Variants in MMP26 observed in about 807,000 individuals in gnomAD.
MMP26 encodes the protein matrix metalloproteinase-26.
A neutral mutation model predicts 31.0 loss-of-function variants in MMP26; 33 were observed. The observed-to-expected ratio is 1.06, with a 90% confidence interval of 0.81 to 1.42. MMP26 has a LOEUF of 1.42. MMP26 is among the 40% of genes most tolerant of loss of function. MMP26 has a pLI of 0.00. For missense variants in MMP26, 347 were observed against 316.1 expected, an observed-to-expected ratio of 1.10 and a Z score of -0.74; for synonymous variants, 122 against 114.9, an observed-to-expected ratio of 1.06 and a Z score of -0.40.
intron 2 of MMP26, chr11:4,881,826 A>G (rs1850466986): frequency 7.8e-7 from 1 of 1,280,584 alleles, no homozygotes; most frequent in Non-Finnish European, 1.1e-6. Context: ...AAAATGACTA[A>G]TAAAATGTAT....
At chr11:4,941,917 C>T (rs1846213188) in intron 2 of MMP26, among the ~76,000 whole-genome samples, 1 of 150,916 alleles carries the variant, frequency 6.6e-6, no homozygotes, top group African/African-American at 2.4e-5. Flanking sequence ...AACCCCATCT[C>T]TACTAAAAAT....
At chr11:4,908,674 C>G (rs776605539) in intron 2 of MMP26, 39 of 289,380 alleles carry the variant, frequency 1.3e-4, no homozygotes, top group Non-Finnish European at 2.4e-4. Flanking sequence ...CTCATACTGT[C>G]AAGGAAAGGT....
chr11:4,763,331 G>A (rs1333896389), intron 1 of MMP26, among the ~76,000 whole-genome samples: 1 of 152,188 alleles, frequency 6.6e-6, no homozygotes, highest in African/African-American at 2.4e-5. Context: ...GAAATTTTCA[G>A]TTTTCAGTTT....
At chr11:4,784,113 C>G (rs35045960) in intron 2 of MMP26, among the ~76,000 whole-genome samples, 14,456 of 152,230 alleles carry the variant, frequency 0.095, 858 homozygotes, top group Middle Eastern at 0.15. Context: ...GGATCAATTA[C>G]TATAATTCAA....
chr11:4,815,199 G>T (rs919553489), intron 2 of MMP26, among the ~76,000 whole-genome samples: 6 of 152,138 alleles, frequency 3.9e-5, no homozygotes, highest in African/African-American at 1.4e-4. Flanking sequence ...CAGTGACTGC[G>T]TTTTTACATA....
At chr11:4,971,427 G>T (rs1400218949) in intron 2 of MMP26, among the ~76,000 whole-genome samples, 1 of 152,212 alleles carries the variant, frequency 6.6e-6, no homozygotes, top group African/African-American at 2.4e-5. Context: ...AAACATTAAA[G>T]AAAAAATTAC....
At chr11:4,942,773 A>T (rs531261108) in intron 2 of MMP26, 19 of 152,312 alleles carry the variant, frequency 1.2e-4, no homozygotes, top group African/African-American at 3.6e-4. Flanking sequence ...GGGCAAACCC[A>T]TGGGTACACA....
At position 4,992,385 on chromosome 11, in the gene MMP26, C is replaced by A; in HGVS notation, c.*143C>A. ...CCTAGTCAGGTTAGCTGAACCGACACTCAAAACGCTACTGAGTCACAATAA... is the reference window on the plus strand; with the variant it reads ...CCTAGTCAGGTTAGCTGAACCGACAATCAAAACGCTACTGAGTCACAATAA... On this transcript the variant is annotated 3_prime_UTR_variant, in exon 8 of 8. Transcript: ENST00000380390. 1 of 691,074 alleles carries A rather than the reference C, an allele frequency of 1.4e-6. No homozygotes were observed. Among genetic ancestry groups the A allele is most frequent in the South Asian group, 1.9e-5 (1 of 52,420 alleles). The allele number at this position is 691,074 out of a possible 1,614,324, so 42.8% of individuals were successfully genotyped here.
intron 2 of MMP26, among the ~76,000 whole-genome samples, chr11:4,768,294 G>A (rs963360563): frequency 2.0e-5 from 3 of 152,070 alleles, no homozygotes; most frequent in Admixed American, 6.6e-5. Flanking sequence ...CTTTTCTTTG[G>A]ACTGTCCAAC....
intron 1 of MMP26, among the ~76,000 whole-genome samples, chr11:4,762,936 C>T (rs746362717): frequency 1.2e-4 from 18 of 152,168 alleles, no homozygotes; most frequent in Middle Eastern, 3.4e-3. Context: ...GGTACAATCC[C>T]TGAAAATTTT....
rs938037235 is a variant in MMP26 at position 4,983,327 on chromosome 11, C to T, written c.-144-4741C>T. On this transcript the variant is annotated intron_variant, in intron 2 of 7. Transcript: ENST00000380390. ...AGCATTAGCTCAAACTATGGTATTG[C>T]GGTGAAAGCATTTGTTCTCTGTCAA... Among the ~76,000 whole-genome samples the T allele has an allele frequency of 4.6e-5, 7 of 152,172 alleles. No individual in the cohort carries two copies. In the South Asian group the frequency reaches 6.2e-4, roughly 14 times the overall value.
chr11:4,971,771 C>T (rs1042537187), intron 2 of MMP26, among the ~76,000 whole-genome samples: 2 of 152,034 alleles, frequency 1.3e-5, no homozygotes, highest in South Asian at 2.1e-4. Context: ...CTGGTTCTGG[C>T]GAGATCCTCA....
chr11:4,738,095 G>T (rs1589887411), intron 1 of MMP26, among the ~76,000 whole-genome samples: 1 of 151,888 alleles, frequency 6.6e-6, no homozygotes, highest in Admixed American at 6.6e-5. Flanking sequence ...GCCTGGCTGG[G>T]TTTTTTTTAA....
At chr11:4,990,121 G>T (rs566362712) in intron 4 of MMP26, among the ~76,000 whole-genome samples, 1 of 152,176 alleles carries the variant, frequency 6.6e-6, no homozygotes, top group East Asian at 1.9e-4. Flanking sequence ...ATTTTAATGC[G>T]TGAGTGTGTG....
intron 2 of MMP26, among the ~76,000 whole-genome samples, chr11:4,893,953 AC>A (rs140535975): frequency 0.014 from 2,104 of 152,040 alleles, 51 homozygotes; most frequent in African/African-American, 0.048. Context: ...AAAAAAAAAA[AC>A]AAAGTAATAT....
At chr11:4,926,503 A>G (rs766671558) in intron 2 of MMP26, among the ~76,000 whole-genome samples, 4 of 152,216 alleles carry the variant, frequency 2.6e-5, no homozygotes, top group Non-Finnish European at 5.9e-5. Flanking sequence ...AAATATATGT[A>G]TGACTTTTCA....
intron 2 of MMP26, among the ~76,000 whole-genome samples, chr11:4,852,094 C>T (rs11600256): frequency 6.6e-6 from 1 of 151,668 alleles, no homozygotes; most frequent in African/African-American, 2.4e-5. Context: ...GTAAGAAGGT[C>T]GAAAATTATA....
chr11:4,821,291 C>A (rs1346597549), intron 2 of MMP26: 2 of 1,063,276 alleles, frequency 1.9e-6, no homozygotes, highest in Non-Finnish European at 2.8e-6. Flanking sequence ...AAAGAAAATT[C>A]AAGTTCTTTG....
chr11:4,823,962 A>G (rs1027996983), intron 2 of MMP26, among the ~76,000 whole-genome samples: 2 of 152,138 alleles, frequency 1.3e-5, no homozygotes, highest in African/African-American at 2.4e-5. Context: ...CTCTTTAAGA[A>G]CTCTTAGATA....
Sources: allele counts gnomAD v4.1 joint callset (sites outside exome capture counted in the v4.1 genomes callset), GRCh38; gene constraint gnomAD v4.1.1; transcripts MANE v1.5; gene names NCBI Gene and HGNC (gene_info 2026-07-23, HGNC 2026-07-21).